NPHP1: variants seen among roughly 807,000 people sequenced by gnomAD.
NPHP1 encodes nephrocystin 1.
Under a neutral mutation model 90.4 loss-of-function variants are expected in NPHP1, and 70 were observed. That is an observed-to-expected ratio of 0.77 (90% confidence interval 0.64 to 0.95). The LOEUF (loss-of-function observed/expected upper bound fraction) is 0.95, where lower values mean the gene tolerates loss of function less well. Among genes scored for constraint, NPHP1 ranks in the 40% least tolerant of loss-of-function variants. The pLI, the probability that NPHP1 is intolerant of heterozygous loss-of-function variation, is 0.00. For synonymous variants in NPHP1, 256 were observed against 271.7 expected (o/e 0.94, Z 0.57); for missense variants, 764 against 795.9 (o/e 0.96, Z 0.48).
chr2:110,123,898 G>A lies in NPHP1; in HGVS notation c.1927C>T (p.Gln643Ter). 6.2e-7 allele frequency: 1 copy of A among 1,614,064 alleles called. No homozygotes were observed. Among genetic ancestry groups the A allele is most frequent in the Non-Finnish European group, 8.5e-7 (1 of 1,179,990 alleles). ...TDFLKQNQEN[Q>*]GALQALLSPD... is the part of the protein sequence containing the mutation. ...GACAGCAGAGCTTGGAGGGCGCCCT[G>A]GTTTTCTTGGTTTTGCTTAAGGAAG... Residue 643 changes from glutamine to a stop codon, truncating the protein, a stop_gained, in exon 20 of 20, where the codon CAG becomes TAG. Coordinates refer to ENST00000445609, the MANE Select transcript of NPHP1 (RefSeq NM_001128178.3). LOFTEE classifies it high-confidence loss of function.
At chr2:110,184,796 T>C (rs1684167442) in intron 2 of NPHP1, 4 of 708,048 alleles carry the variant, frequency 5.6e-6, no homozygotes, top group Admixed American at 3.5e-5. Context: ...GAAGGCTCAG[T>C]ACTACCTGCC....
In NPHP1 at chr2:110,168,516, T is replaced by C. The variant is rs751001238; in HGVS notation, c.560A>G (p.Asp187Gly). The C allele has an allele frequency of 3.7e-6, 6 of 1,613,144 alleles. No homozygotes were observed. In the African/African-American group the frequency reaches 5.3e-5, roughly 14 times the overall value. The stretch of plus-strand genomic sequence containing the variant: ...GGCATCCTTAGCTATCCACCAACCA[T>C]CAGGTTTTTTTTCAATTACAAGGAG... Reference protein sequence around the residue: ...EILLVIEKKPDGWWIAKDAKG... With the variant: ...EILLVIEKKPGGWWIAKDAKG... Residue 187 changes from aspartate to glycine, a missense_variant, in exon 6 of 20, where the codon GAT becomes GGT. Coordinates refer to ENST00000445609, the MANE Select transcript of NPHP1 (RefSeq NM_001128178.3).
chr2:110,129,306 T>A (rs746570726), intron 17 of NPHP1, 47 bp from the exon 18 acceptor site: 1 of 1,349,794 alleles, frequency 7.4e-7, no homozygotes, highest in Non-Finnish European at 1.1e-6. Context: ...CTTCACTCAA[T>A]GGATTTTATT....
chr2:110,184,674 T>C, intron 2 of NPHP1: 1 of 750,830 alleles, frequency 1.3e-6, no homozygotes, highest in Non-Finnish European at 2.4e-6. Flanking sequence ...TGATTTCCAC[T>C]CATCGTTTGA....
At chr2:110,144,405 C>T (rs969335175) in intron 15 of NPHP1, 88 bp downstream of exon 15, 25 of 829,194 alleles carry the variant, frequency 3.0e-5, no homozygotes, top group Admixed American at 1.8e-4. Context: ...AAGTAAAAAA[C>T]GCTATGCTTA....
intron 16 of NPHP1, 116 bp from the exon 17 acceptor site, chr2:110,131,907 C>T: frequency 1.5e-6 from 1 of 685,478 alleles, no homozygotes; most frequent in South Asian, 1.7e-5. Context: ...TACTGGAACA[C>T]ATTTTTAACT....
At chr2:110,131,632 G>T in intron 17 of NPHP1, 47 bp downstream of exon 17, 1 of 1,084,612 alleles carries the variant, frequency 9.2e-7, no homozygotes, top group Non-Finnish European at 1.4e-6. Context: ...CCTTTACTCA[G>T]AGTATGAAGC....
intron 3 of NPHP1, among the ~76,000 whole-genome samples, chr2:110,179,308 A>C (rs1683723170): frequency 6.6e-6 from 1 of 152,186 alleles, no homozygotes; most frequent in Non-Finnish European, 1.5e-5. Flanking sequence ...CAAAGAAATT[A>C]AAATAAAAAT....
intron 16 of NPHP1, among the ~76,000 whole-genome samples, chr2:110,137,977 A>G (rs1280281085): frequency 6.6e-6 from 1 of 151,356 alleles, no homozygotes; most frequent in Non-Finnish European, 1.5e-5. Flanking sequence ...CATATACACC[A>G]TGGAATACTA....
chr2:110,184,846 G>A, intron 2 of NPHP1: 2 of 704,016 alleles, frequency 2.8e-6, no homozygotes, highest in South Asian at 2.7e-5. Flanking sequence ...CCCAATTCCG[G>A]GCCCCTGAGC....
intron 11 of NPHP1, 94 bp downstream of exon 11, chr2:110,160,032 TC>T: frequency 2.2e-6 from 3 of 1,363,642 alleles, no homozygotes; most frequent in Non-Finnish European, 2.1e-6. Flanking sequence ...AAAAATACTC[TC>T]TTGGGAATTG....
chr2:110,140,951 A>G (rs1680582002), intron 16 of NPHP1, among the ~76,000 whole-genome samples: 1 of 152,220 alleles, frequency 6.6e-6, no homozygotes, highest in African/African-American at 2.4e-5. Flanking sequence ...ATCTGGAATG[A>G]GAAAAACCAT....
At chr2:110,201,566 T>C in intron 1 of NPHP1, 72 bp from the exon 2 acceptor site, 1 of 1,083,678 alleles carries the variant, frequency 9.2e-7, no homozygotes. Context: ...TCTTTTTTTA[T>C]CCAATATTTT....
chr2:110,138,849 T>C, intron 16 of NPHP1, among the ~76,000 whole-genome samples: 1 of 152,084 alleles, frequency 6.6e-6, no homozygotes, highest in East Asian at 1.9e-4. Flanking sequence ...CTGGCAGGCA[T>C]TGGTCCACCC....
chr2:110,150,229 C>T lies in NPHP1; in HGVS notation c.1111G>A (p.Ala371Thr), dbSNP rs754683200. ...TTGGGCTTTTTAGGTTGCCATGTGG[C>T]TCTGACTGTATGAATGTTGCTCAGA... ...KVLSNIHTVRATWQPKKPKTW... is the reference protein window; with the variant it reads ...KVLSNIHTVRTTWQPKKPKTW... Residue 371 changes from alanine to threonine, a missense_variant, in exon 12 of 20, where the codon GCC becomes ACC. Physicochemically the swap from Ala to Thr is moderately conservative, Grantham distance 58. Coordinates refer to ENST00000445609, the MANE Select transcript of NPHP1 (RefSeq NM_001128178.3). 3.1e-6 allele frequency: 5 copies of T among 1,613,946 alleles called. No individual in the cohort carries two copies. The highest frequency in any genetic ancestry group is 4.2e-6 in the Non-Finnish European group (5 of 1,179,882).
chr2:110,195,373 G>A (rs1274622182), intron 2 of NPHP1, among the ~76,000 whole-genome samples: 1 of 151,806 alleles, frequency 6.6e-6, no homozygotes, highest in Non-Finnish European at 1.5e-5. Flanking sequence ...AACAGACAGA[G>A]AGCCAAATCA....
chr2:110,124,475 TAA>T, intron 19 of NPHP1: 2 of 281,982 alleles, frequency 7.1e-6, no homozygotes, highest in Admixed American at 4.4e-5. Flanking sequence ...TTATCTAAGA[TAA>T]TTGTAGCAGG....
chr2:110,188,107 A>C (rs554770642), intron 2 of NPHP1, among the ~76,000 whole-genome samples: 2 of 152,322 alleles, frequency 1.3e-5, no homozygotes, highest in Admixed American at 1.3e-4. Flanking sequence ...AACAGGCACA[A>C]GACAAGGATG....
At chr2:110,126,329 A>G (rs755669594) in intron 18 of NPHP1, 1 of 153,458 alleles carries the variant, frequency 6.5e-6, no homozygotes, top group Non-Finnish European at 1.5e-5. Context: ...GTCAGTAGAT[A>G]TCCTCCTGTT....
Sources: allele counts gnomAD v4.1 joint callset (sites outside exome capture counted in the v4.1 genomes callset), GRCh38; gene constraint gnomAD v4.1.1; transcripts MANE v1.5; gene names NCBI Gene and HGNC (gene_info 2026-07-23, HGNC 2026-07-21).